Variants in ZBTB17 observed in about 807,000 individuals in gnomAD.
The protein encoded by ZBTB17 is zinc finger and BTB domain-containing protein 17.
Under a neutral mutation model 85.1 loss-of-function variants are expected in ZBTB17, and 24 were observed. The ratio of observed to expected loss-of-function variants is 0.28; its 90% CI spans 0.20 to 0.40. The LOEUF (loss-of-function observed/expected upper bound fraction) is 0.40, where lower values mean the gene tolerates loss of function less well. ZBTB17 is among the 10% of genes least tolerant of loss of function. ZBTB17 has a pLI of 1.00. For missense variants in ZBTB17, 743 were observed against 1,105.1 expected, an observed-to-expected ratio of 0.67 and a Z score of 4.65; for synonymous variants, 464 against 460.2, an observed-to-expected ratio of 1.01 and a Z score of -0.11.
At chr1:15,945,423 C>T (rs1046804582) in intron 6 of ZBTB17, among the ~76,000 whole-genome samples, 1 of 152,200 alleles carries the variant, frequency 6.6e-6, no homozygotes, top group African/African-American at 2.4e-5. Flanking sequence ...TGGAGGGTTG[C>T]CGTGGGTGGC....
chr1:15,969,955 G>A, intron 2 of ZBTB17: 1 of 791,062 alleles, frequency 1.3e-6, no homozygotes, highest in Non-Finnish European at 2.1e-6. Context: ...CATGTGGTTT[G>A]CTGGTGGCTT....
intron 9 of ZBTB17, 170 bp downstream of exon 9, chr1:15,944,130 C>A: frequency 8.7e-7 from 1 of 1,147,740 alleles, no homozygotes. Context: ...GCAGAGCAAC[C>A]GGGAGCTCCC....
At chr1:15,955,131 G>T (rs1168993477) in intron 2 of ZBTB17, among the ~76,000 whole-genome samples, 1 of 152,188 alleles carries the variant, frequency 6.6e-6, no homozygotes, top group Non-Finnish European at 1.5e-5. Context: ...TCCAGCCTGG[G>T]CCACAGAGTG....
At position 15,966,805 on chromosome 1, in the gene ZBTB17, G is replaced by A. The variant is rs2072456548; in HGVS notation, c.-3+6234C>T. Among the ~76,000 whole-genome samples, 1 of 152,110 alleles carries A rather than the reference G, an allele frequency of 6.6e-6. No individual in the cohort carries two copies. Among genetic ancestry groups the A allele is most frequent in the African/African-American group, 2.4e-5 (1 of 41,412 alleles). On this transcript the variant is annotated intron_variant, in intron 2 of 15. Coordinates refer to ENST00000375743, the MANE Select transcript of ZBTB17 (RefSeq NM_003443.3). The surrounding 1 kb of genome is among the most constrained non-coding windows in gnomAD (Gnocchi z 4.1). ...CCATTTAAAAATTGTGGCCACGGGA[G>A]GCTGAGGTGGGAGGATCGCTTGAGC...
chr1:15,967,498 G>A (rs532761074), intron 2 of ZBTB17, among the ~76,000 whole-genome samples: 1 of 152,016 alleles, frequency 6.6e-6, no homozygotes, highest in Admixed American at 6.5e-5. Context: ...GGGCAACACG[G>A]CGAGATTCTG....
chr1:15,943,421 C>A lies in ZBTB17; in HGVS notation c.1675G>T (p.Val559Phe). 6.2e-7 allele frequency: 1 copy of A among 1,606,402 alleles called. No individual in the cohort carries two copies. Residue 559 changes from valine to phenylalanine, a missense_variant, in exon 12 of 16, where the codon GTC becomes TTC. Physicochemically the swap from Val to Phe is conservative, Grantham distance 50. Around this residue, in one of 4 missense-constraint regions of ZBTB17, gnomAD observed 321 missense variants for 615.7 expected, o/e 0.52. Coordinates refer to ENST00000375743, the MANE Select transcript of ZBTB17 (RefSeq NM_003443.3). ...GACCTCTTGCCGCAGCGCTCGCAGACGTAGGGCTTCTCCCCGGTGTGCTGG... is the reference window on the plus strand; with the variant it reads ...GACCTCTTGCCGCAGCGCTCGCAGAAGTAGGGCTTCTCCCCGGTGTGCTGG... ...VRQHTGEKPY[V>F]CERCGKRFVQ...
rs1241480821 is a variant in ZBTB17 at position 15,966,980 on chromosome 1, T to C, written c.-3+6059A>G. The stretch of plus-strand genomic sequence containing the variant: ...CGTGGCCAGCAAAAGAAGTAGATTA[T>C]GATCTCCAGGACAATATGTTTTGTA... On this transcript the variant is annotated intron_variant, in intron 2 of 15. Coordinates refer to ENST00000375743, the MANE Select transcript of ZBTB17 (RefSeq NM_003443.3). The surrounding 1 kb of genome is among the most constrained non-coding windows in gnomAD (Gnocchi z 4.1). Among the ~76,000 whole-genome samples the C allele has an allele frequency of 6.6e-6, 1 of 151,902 alleles. No individual in the cohort carries two copies. The highest frequency in any genetic ancestry group is 1.5e-5 in the Non-Finnish European group (1 of 67,994).
intron 2 of ZBTB17, among the ~76,000 whole-genome samples, chr1:15,957,038 G>C (rs1291904191): frequency 6.6e-6 from 1 of 151,994 alleles, no homozygotes; most frequent in Non-Finnish European, 1.5e-5. Flanking sequence ...AAATTAGCCG[G>C]GCATGGTGGT....
Position 15,964,656 on chromosome 1 carries a change from G to A in ZBTB17, c.-3+8383C>T, listed in dbSNP as rs1221241433. Among the ~76,000 whole-genome samples, 2 of 152,188 alleles carry A rather than the reference G, an allele frequency of 1.3e-5. No homozygotes were observed. Among genetic ancestry groups the A allele is most frequent in the Admixed American group, 6.5e-5 (1 of 15,286 alleles). ...AGCTTAAGCCTGGGAGGTCAAGGCT[G>A]TAGTGAGCCAAGATCACACCACTGC... is the stretch of plus-strand genomic sequence containing the variant. On this transcript the variant is annotated intron_variant, in intron 2 of 15. Coordinates refer to ENST00000375743, the MANE Select transcript of ZBTB17 (RefSeq NM_003443.3). The surrounding 1 kb of genome is among the most constrained non-coding windows in gnomAD (Gnocchi z 4.3).
Position 15,942,312 on chromosome 1 carries a change from C to T in ZBTB17, c.2128+19G>A, listed in dbSNP as rs752552400. 7 of 1,613,870 alleles carry T rather than the reference C, an allele frequency of 4.3e-6. No individual in the cohort carries two copies. Among genetic ancestry groups the T allele is most frequent in the East Asian group, 4.5e-5 (2 of 44,888 alleles). On this transcript the variant is annotated intron_variant, in intron 15 of 15. Coordinates refer to ENST00000375743, the MANE Select transcript of ZBTB17 (RefSeq NM_003443.3). ...ACCCCGGGCTCTGCCCACATTCACA[C>T]CCGGGTGGCCCCCCTCACCTTCTTC...
In ZBTB17 at chr1:15,952,512, A is replaced by G. The variant is rs1215886538; in HGVS notation, c.-2-4015T>C. On this transcript the variant is annotated intron_variant, in intron 2 of 15. Transcript: ENST00000375743. This position sits in a 1 kb window ranked among gnomAD's most constrained non-coding sequence, Gnocchi z 4.3. ...AGCCATTCCTCCCCTGCCAGGGCCC[A>G]CCACGCCTCCCATGGAGAGACGGTG... Among the ~76,000 whole-genome samples, 1 of 152,206 alleles carries G rather than the reference A, an allele frequency of 6.6e-6. No individual in the cohort carries two copies. Among genetic ancestry groups the G allele is most frequent in the Non-Finnish European group, 1.5e-5 (1 of 68,018 alleles).
In ZBTB17 at chr1:15,950,143, G is replaced by C. The variant is rs769009989; in HGVS notation, c.-2-1646C>G. Among the ~76,000 whole-genome samples, 23 of 152,340 alleles carry C rather than the reference G, an allele frequency of 1.5e-4. 1 individual carries two copies. Among genetic ancestry groups the C allele is most frequent in the Admixed American group, 7.8e-4 (12 of 15,308 alleles). ...GTAAGGCCCTGGGGCAGCTGGCCCC[G>C]CACCAAGTGCACCAAGTGGCTGGCA... On this transcript the variant is annotated intron_variant, in intron 2 of 15. Coordinates refer to ENST00000375743, the MANE Select transcript of ZBTB17 (RefSeq NM_003443.3).
Position 15,943,026 on chromosome 1 carries a change from C to T in ZBTB17, c.1828+38G>A, listed in dbSNP as rs555263956. ...CCCTGCTCCCCACCTGGCAGCAGGGCCTGGGAAGGAACAGGCATGGTAGGG... is the reference window on the plus strand; with the variant it reads ...CCCTGCTCCCCACCTGGCAGCAGGGTCTGGGAAGGAACAGGCATGGTAGGG... On this transcript the variant is annotated intron_variant, in intron 13 of 15. Transcript: ENST00000375743. 18 of 1,609,992 alleles carry T rather than the reference C, an allele frequency of 1.1e-5. No individual in the cohort carries two copies. In the African/African-American group the frequency reaches 1.6e-4, roughly 14 times the overall value.
At chr1:15,968,520 G>A (rs753965616) in intron 2 of ZBTB17, among the ~76,000 whole-genome samples, 4 of 152,222 alleles carry the variant, frequency 2.6e-5, no homozygotes, top group African/African-American at 4.8e-5. Context: ...ATGCTAAGAA[G>A]TCGCAGGGGA....
intron 2 of ZBTB17, among the ~76,000 whole-genome samples, chr1:15,950,247 CTG>C (rs2071783437): frequency 6.6e-6 from 1 of 152,272 alleles, no homozygotes; most frequent in South Asian, 2.1e-4. Context: ...AGGTTCCTAT[CTG>C]TGACCTGAAG....
rs1212314190 is a variant in ZBTB17 at position 15,942,640 on chromosome 1, T to G, written c.1927A>C (p.Ile643Leu). The change falls in exon 14 of 16, where the codon ATC (isoleucine) becomes CTC (leucine). Residue 643 changes from isoleucine (I) to leucine (L), a missense_variant. Physicochemically the swap from Ile to Leu is conservative, Grantham distance 5. Transcript: ENST00000375743. ...CCCTCCTCGGGCTCCAGGATCTTGA[T>G]GCCTGCCTTGCCCTGGTGCACGGTC... ...VKTVHQGKAG[I>L]KILEPEEGSE... The G allele has an allele frequency of 8.7e-6, 14 of 1,613,668 alleles. No homozygotes were observed. The highest frequency in any genetic ancestry group is 1.2e-5 in the Non-Finnish European group (14 of 1,180,032).
Position 15,946,297 on chromosome 1 carries a change from G to A in ZBTB17, c.395-3C>T, listed in dbSNP as rs530705952. 3.1e-6 allele frequency: 5 copies of A among 1,611,764 alleles called. No individual in the cohort carries two copies. Among genetic ancestry groups the A allele is most frequent in the Middle Eastern group, 1.7e-4 (1 of 6,056 alleles). On this transcript the variant is annotated splice_polypyrimidine_tract_variant and splice_region_variant and intron_variant, in intron 4 of 15. Coordinates refer to ENST00000375743, the MANE Select transcript of ZBTB17 (RefSeq NM_003443.3). ...CTCTTTGGCTCTCTTGTCCCCTCCTGGAGATGGAACAGGGCAGACCTGCCG... is the reference window on the plus strand; with the variant it reads ...CTCTTTGGCTCTCTTGTCCCCTCCTAGAGATGGAACAGGGCAGACCTGCCG...
Position 15,944,396 on chromosome 1 carries a change from G to A in ZBTB17, c.1275C>T (p.Arg425=), listed in dbSNP as rs2071499359. The part of the protein sequence containing the change: ...EKPYQCDYCG[R]SFSDPTSKMR... ...TCTTGGAAGTGGGGTCGGAGAAGGA[G>A]CGGCCGCAGTAGTCGCACTGGTAGG... The change falls in exon 9 of 16, where the codon CGC becomes CGT. Residue 425 remains arginine, a synonymous_variant. Coordinates refer to ENST00000375743, the MANE Select transcript of ZBTB17 (RefSeq NM_003443.3). 6.4e-7 allele frequency: 1 copy of A among 1,561,886 alleles called. No homozygotes were observed. Among genetic ancestry groups the A allele is most frequent in the Non-Finnish European group, 8.7e-7 (1 of 1,153,500 alleles).
At chr1:15,960,103 A>G (rs2072203570) in intron 2 of ZBTB17, among the ~76,000 whole-genome samples, 1 of 152,226 alleles carries the variant, frequency 6.6e-6, no homozygotes, top group Admixed American at 6.5e-5. Flanking sequence ...TCCCAGGGAC[A>G]CATGCACACG....
Sources: allele counts gnomAD v4.1 joint callset (sites outside exome capture counted in the v4.1 genomes callset), GRCh38; gene constraint gnomAD v4.1.1; regional missense constraint gnomAD v4.1.1; non-coding constraint Gnocchi (gnomAD v3.1); transcripts MANE v1.5; gene names NCBI Gene and HGNC (gene_info 2026-07-23, HGNC 2026-07-21).